The following UTP20 variants were observed in gnomAD, a reference collection of about 807,000 sequenced individuals.
UTP20 encodes small subunit processome component 20 homolog.
In UTP20, 164 loss-of-function variants were observed where a neutral mutation model predicts 329.5. That is an observed-to-expected ratio of 0.50 (90% CI 0.44 to 0.57). UTP20 has a LOEUF of 0.57. Among genes scored for constraint, UTP20 ranks in the 20% least tolerant of loss-of-function variants. The probability of loss-of-function intolerance (pLI) is 0.00; values close to 1 mark genes in which losing one functional copy is unlikely to be tolerated. For missense variants in UTP20, 3,055 were observed against 3,284.2 expected (o/e 0.93, Z 1.71); for synonymous variants, 1,151 against 1,159.3 (o/e 0.99, Z 0.14).
At chr12:101,289,375 TCACACACA>T (rs140788608) in intron 6 of UTP20, among the ~76,000 whole-genome samples, 1 of 149,686 alleles carries the variant, frequency 6.7e-6, no homozygotes, top group Non-Finnish European at 1.5e-5. Flanking sequence ...AGACTCCATA[TCACACACA>T]CACACACATA....
intron 8 of UTP20, 60 bp downstream of exon 8, chr12:101,290,948 G>A (rs566456203): frequency 2.9e-4 from 450 of 1,539,410 alleles, no homozygotes; most frequent in Non-Finnish European, 3.8e-4. Flanking sequence ...TACTGTTTCT[G>A]CTCTCAGTTT....
intron 25 of UTP20, among the ~76,000 whole-genome samples, chr12:101,323,118 A>G (rs1404940058): frequency 6.6e-6 from 1 of 152,212 alleles, no homozygotes; most frequent in Non-Finnish European, 1.5e-5. Context: ...AACGTTTTAT[A>G]ACCTTTTTTC....
chr12:101,370,593 C>T (rs371089875), intron 50 of UTP20, 30 bp downstream of exon 50: 49 of 1,600,564 alleles, frequency 3.1e-5, no homozygotes, highest in Admixed American at 1.7e-4. Context: ...TTGACTGTTA[C>T]GGTTTATGAG....
At position 101,386,201 on chromosome 12, in the gene UTP20, A is replaced by C; in HGVS notation, c.*78A>C. The C allele has an allele frequency of 8.3e-7, 1 of 1,210,982 alleles. No homozygotes were observed. The highest frequency in any genetic ancestry group is 1.2e-6 in the Non-Finnish European group (1 of 863,166). The allele number at this position is 1,210,982 out of a possible 1,614,324, so 75.0% of individuals were successfully genotyped here. On this transcript the variant is annotated 3_prime_UTR_variant, in exon 62 of 62. Transcript: ENST00000261637. ...GAAATTACAGTAGGTTGTCTGGGGT[A>C]GGGGGGAGGCGTTTTTTTTTTTTTT...
intron 21 of UTP20, among the ~76,000 whole-genome samples, chr12:101,316,366 G>T (rs577520978): frequency 2.0e-5 from 3 of 152,330 alleles, no homozygotes; most frequent in Admixed American, 1.3e-4. Flanking sequence ...GGAGATAAAG[G>T]TTACAGTATG....
chr12:101,311,567 T>G (rs1593427788), intron 19 of UTP20, 152 bp from the exon 20 acceptor site: 2 of 626,184 alleles, frequency 3.2e-6, no homozygotes, highest in East Asian at 2.9e-5. Context: ...TTGAAAAATA[T>G]AGAAAAGTGC....
At position 101,379,667 on chromosome 12, in the gene UTP20, A is replaced by G. The variant is rs78176323; in HGVS notation, c.7584+109A>G. On this transcript the variant is annotated intron_variant, in intron 57 of 61. Transcript: ENST00000261637. ...TTGGGAGAAACTCTTCCAACCAACA[A>G]TTTGTTGTACAGGTGAATCAATAGG... is the stretch of plus-strand genomic sequence containing the variant. 2.9e-3 allele frequency: 3,482 copies of G among 1,211,948 alleles called. 6 individuals are homozygous for G. Among genetic ancestry groups the G allele is most frequent in the Admixed American group, 4.3e-3 (179 of 41,642 alleles). The allele number at this position is 1,211,948 out of a possible 1,614,324, so 75.1% of individuals were successfully genotyped here.
chr12:101,285,839 A>T lies in UTP20; in HGVS notation c.284A>T (p.His95Leu). 6.2e-7 allele frequency: 1 copy of T among 1,613,896 alleles called. No homozygotes were observed. Among genetic ancestry groups the T allele is most frequent in the African/African-American group, 1.3e-5 (1 of 75,042 alleles). Reference sequence around the variant, plus strand: ...GAGATAGTTCAGAGTTTGAAGACTCACCTGCAAGTTAAGAACAGTTTTGCC... The same window carrying T: ...GAGATAGTTCAGAGTTTGAAGACTCTCCTGCAAGTTAAGAACAGTTTTGCC... ...QNEIVQSLKT[H>L]LQVKNSFAYQ... The change falls in exon 4 of 62, where the codon CAC becomes CTC. Residue 95 changes from histidine to leucine, a missense_variant. This residue lies in a region of UTP20 where 2,445 missense variants were observed against 2,575.5 expected (regional missense o/e 0.95). Transcript: ENST00000261637.
intron 53 of UTP20, 47 bp from the exon 54 acceptor site, chr12:101,373,538 T>C (rs372459617): frequency 3.7e-6 from 6 of 1,613,002 alleles, no homozygotes; most frequent in Non-Finnish European, 5.1e-6. Flanking sequence ...CTAGAGCATC[T>C]GTAGGAATTC....
At chr12:101,301,345 GC>G (rs34792833) in intron 14 of UTP20, among the ~76,000 whole-genome samples, 78,178 of 151,218 alleles carry the variant, frequency 0.52, 21,658 homozygotes, top group East Asian at 0.94. Context: ...CATAGTGAGA[GC>G]CCCCCCCGCC....
chr12:101,369,947 C>T (rs1870230731), intron 49 of UTP20, 56 bp downstream of exon 49: 3 of 1,548,640 alleles, frequency 1.9e-6, no homozygotes, highest in South Asian at 2.3e-5. Context: ...GATGCAATAG[C>T]TCGTACCTAT....
In UTP20 at chr12:101,320,857, G is replaced by T; in HGVS notation, c.2835G>T (p.Leu945Phe). ...CTGTAAAATACTGTTCTTAGTTGTT[G>T]CTACACCAAGATCAAATGGTGCAAA... ...SKLYELYLQL[L>F]LHQDQMVQKI... Residue 945 changes from leucine (L) to phenylalanine (F), a missense_variant, in exon 24 of 62, where the codon TTG becomes TTT. Around this residue, in one of 3 missense-constraint regions of UTP20, gnomAD observed 2,445 missense variants for 2,575.5 expected, o/e 0.95. Coordinates refer to ENST00000261637, the MANE Select transcript of UTP20 (RefSeq NM_014503.3). 1.2e-6 allele frequency: 2 copies of T among 1,609,894 alleles called. No individual in the cohort carries two copies. Among genetic ancestry groups the T allele is most frequent in the Non-Finnish European group, 8.5e-7 (1 of 1,178,890 alleles).
intron 32 of UTP20, 96 bp downstream of exon 32, chr12:101,340,706 T>A: frequency 1.3e-6 from 1 of 772,150 alleles, no homozygotes. Context: ...GATTTTGTGA[T>A]GCATTTGTCG....
intron 40 of UTP20, 26 bp downstream of exon 40, chr12:101,353,155 A>C (rs1869594506): frequency 1.3e-6 from 2 of 1,483,190 alleles, no homozygotes; most frequent in Non-Finnish European, 1.9e-6. Context: ...TTTCTTAAAC[A>C]AGATTTTCAT....
At position 101,285,749 on chromosome 12, in the gene UTP20, G is replaced by A; in HGVS notation, c.194G>A (p.Gly65Glu). Residue 65 changes from glycine (G) to glutamate (E), a missense_variant and splice_region_variant, in exon 4 of 62, where the codon GGA (glycine) becomes GAA (glutamate). Physicochemically the swap from Gly to Glu is moderately conservative, Grantham distance 98. Coordinates refer to ENST00000261637, the MANE Select transcript of UTP20 (RefSeq NM_014503.3). ...WRELNLTEHF[G>E]KFYKEVIDKC... ...ACATATTTTTTTTTCCCCCACTCAG[G>A]AAAATTTTACAAAGAAGTTATTGAC... 1 of 1,613,046 alleles carries A rather than the reference G, an allele frequency of 6.2e-7. No homozygotes were observed. Among genetic ancestry groups the A allele is most frequent in the Non-Finnish European group, 8.5e-7 (1 of 1,179,654 alleles).
At chr12:101,362,269 T>G (rs1565804865) in intron 44 of UTP20, among the ~76,000 whole-genome samples, 1 of 152,204 alleles carries the variant, frequency 6.6e-6, no homozygotes, top group African/African-American at 2.4e-5. Context: ...GATATGATCT[T>G]TCCGGAAAGT....
intron 12 of UTP20, among the ~76,000 whole-genome samples, chr12:101,295,861 G>A (rs1350234735): frequency 6.6e-6 from 1 of 151,292 alleles, no homozygotes; most frequent in South Asian, 2.1e-4. Flanking sequence ...AAGTGTGTAT[G>A]AACATAGAAA....
intron 38 of UTP20, among the ~76,000 whole-genome samples, chr12:101,348,183 G>A (rs10778113): frequency 0.58 from 88,677 of 152,078 alleles, 28,618 homozygotes; most frequent in East Asian, 0.94. Flanking sequence ...TTACATTTAA[G>A]GTTGGTTTCT....
At chr12:101,365,359 C>T (rs928058828) in intron 45 of UTP20, 100 bp from the exon 46 acceptor site, 22 of 795,674 alleles carry the variant, frequency 2.8e-5, no homozygotes, top group African/African-American at 2.7e-4. Context: ...GAAAGCCAAA[C>T]GTATATTAGA....
Sources: allele counts gnomAD v4.1 joint callset (sites outside exome capture counted in the v4.1 genomes callset), GRCh38; gene constraint gnomAD v4.1.1; regional missense constraint gnomAD v4.1.1; transcripts MANE v1.5; gene names NCBI Gene and HGNC (gene_info 2026-07-23, HGNC 2026-07-21).